PTPRD: variants seen among roughly 807,000 people sequenced by gnomAD.
PTPRD encodes protein tyrosine phosphatase receptor type D.
In PTPRD, 34 loss-of-function variants were observed where a neutral mutation model predicts 214.5. The observed-to-expected ratio is 0.16, with a 90% CI of 0.12 to 0.21. The LOEUF (loss-of-function observed/expected upper bound fraction) is 0.21. Ranked by LOEUF, PTPRD falls within the 10% of genes least tolerant of loss-of-function variation. The pLI, the probability that PTPRD is intolerant of heterozygous loss-of-function variation, is 1.00. For synonymous variants in PTPRD, 1,128 were observed against 845.7 expected, an observed-to-expected ratio of 1.33 and a Z score of -5.79; for missense variants, 2,545 against 2,398.7, an observed-to-expected ratio of 1.06 and a Z score of -1.27.
At chr9:9,366,639 A>T (rs910129366) in intron 9 of PTPRD, among the ~76,000 whole-genome samples, 5 of 151,534 alleles carry the variant, frequency 3.3e-5, no homozygotes, top group African/African-American at 1.2e-4. Context: ...AAATAGAAAC[A>T]TATCATCCAT....
chr9:8,608,456 G>A (rs962658956), intron 14 of PTPRD, among the ~76,000 whole-genome samples: 3 of 152,006 alleles, frequency 2.0e-5, no homozygotes, highest in South Asian at 2.1e-4. Flanking sequence ...ATATTTTAGC[G>A]CTCCCTGTTC....
At chr9:8,983,026 T>A (rs1486844854) in intron 11 of PTPRD, among the ~76,000 whole-genome samples, 4 of 152,102 alleles carry the variant, frequency 2.6e-5, no homozygotes, top group Non-Finnish European at 5.9e-5. Flanking sequence ...CATGTTCTAT[T>A]ACTCTTTAAT....
Position 9,875,992 on chromosome 9 carries a change from G to T in PTPRD, c.-368+62515C>A, listed in dbSNP as rs1053722803. ...CATCTGGAGATCCTGACTTTGTTTT[G>T]CCTGGTGAGTTTGCAGGTGCTTAAT... On this transcript the variant is annotated intron_variant, in intron 5 of 45. Coordinates refer to ENST00000381196, the MANE Select transcript of PTPRD (RefSeq NM_002839.4). Among the ~76,000 whole-genome samples, 8 of 152,146 alleles carry T rather than the reference G, an allele frequency of 5.3e-5. No individual in the cohort carries two copies. The South Asian group carries it at 1.7e-3, about 32-fold the overall frequency.
At chr9:9,586,367 T>C (rs1179706336) in intron 7 of PTPRD, among the ~76,000 whole-genome samples, 3 of 152,016 alleles carry the variant, frequency 2.0e-5, no homozygotes, top group East Asian at 3.9e-4. Context: ...AAATCTAGTA[T>C]AATTGGCATA....
chr9:9,856,807 T>C (rs1432265209), intron 5 of PTPRD, among the ~76,000 whole-genome samples: 1 of 152,044 alleles, frequency 6.6e-6, no homozygotes, highest in Non-Finnish European at 1.5e-5. Context: ...TGGAAAATGG[T>C]GTTGCTTGAT....
intron 7 of PTPRD, among the ~76,000 whole-genome samples, chr9:9,704,535 A>C (rs747317637): frequency 6.6e-6 from 1 of 152,164 alleles, no homozygotes; most frequent in Non-Finnish European, 1.5e-5. Context: ...AATTCCCCTT[A>C]CCTTGTATTT....
chr9:8,386,846 G>A lies in PTPRD; in HGVS notation c.4386+2386C>T, dbSNP rs140238884. 3.6e-3 allele frequency among the ~76,000 whole-genome samples: 546 copies of A among 152,294 alleles called. 5 individuals carry two copies. The highest frequency in any genetic ancestry group is 0.027 in the South Asian group (128 of 4,824). On this transcript the variant is annotated intron_variant, in intron 37 of 45. Transcript: ENST00000381196. The stretch of plus-strand genomic sequence containing the variant: ...AACTGGATAGGGAAAGGGTGAGATG[G>A]GAATGATGGGAGGGAGGAAGACGGA...
At chr9:9,072,970 T>C (rs1347759688) in intron 10 of PTPRD, among the ~76,000 whole-genome samples, 1 of 151,754 alleles carries the variant, frequency 6.6e-6, no homozygotes, top group East Asian at 1.9e-4. Context: ...GACAGCATAT[T>C]TGAGAGAGAT....
At chr9:8,940,360 G>A (rs930468826) in intron 11 of PTPRD, among the ~76,000 whole-genome samples, 4 of 132,896 alleles carry the variant, frequency 3.0e-5, no homozygotes, top group South Asian at 5.2e-4. Context: ...TTGGCCCACT[G>A]CAACCTCTGC....
At chr9:10,152,075 T>C (rs1011532854) in intron 3 of PTPRD, among the ~76,000 whole-genome samples, 48 of 152,212 alleles carry the variant, frequency 3.2e-4, no homozygotes, top group African/African-American at 1.1e-3. Flanking sequence ...TTACTGGATA[T>C]TGTAGTAAGA....
intron 12 of PTPRD, among the ~76,000 whole-genome samples, chr9:8,718,892 A>G (rs1221413901): frequency 6.6e-6 from 1 of 152,152 alleles, no homozygotes; most frequent in Non-Finnish European, 1.5e-5. Context: ...CTGCTGGATC[A>G]ATGGTGTTTT....
At chr9:10,284,707 AT>A (rs1410633491) in intron 3 of PTPRD, among the ~76,000 whole-genome samples, 1 of 152,124 alleles carries the variant, frequency 6.6e-6, no homozygotes, top group Non-Finnish European at 1.5e-5. Context: ...TTCCAAGCTC[AT>A]TTGGTTGTCA....
chr9:10,128,227 A>G (rs965349365), intron 3 of PTPRD, among the ~76,000 whole-genome samples: 2 of 152,154 alleles, frequency 1.3e-5, no homozygotes, highest in African/African-American at 2.4e-5. Context: ...CCAAATTAAT[A>G]TGTTGAAGCC....
At position 8,733,839 on chromosome 9, in the gene PTPRD, A is replaced by G. The variant is rs1598295447; in HGVS notation, c.5T>C (p.Val2Ala). The G allele has an allele frequency of 6.4e-7, 1 of 1,551,310 alleles. No individual in the cohort carries two copies. Among genetic ancestry groups the G allele is most frequent in the Non-Finnish European group, 8.7e-7 (1 of 1,147,170 alleles). Reference sequence around the variant, plus strand: ...CAGCAGCAGCAGCCTGGCTACGTGCACCATCCTGCAGCTTGGCAGCAGCGT... The same window carrying G: ...CAGCAGCAGCAGCCTGGCTACGTGCGCCATCCTGCAGCTTGGCAGCAGCGT... M[V>A]HVARLLLLLL... The change falls in exon 12 of 46, where the codon GTG becomes GCG. Residue 2 changes from valine (V) to alanine (A), a missense_variant. Val to Ala is a moderately conservative substitution (Grantham distance 64, BLOSUM62 0). Coordinates refer to ENST00000381196, the MANE Select transcript of PTPRD (RefSeq NM_002839.4).
intron 5 of PTPRD, among the ~76,000 whole-genome samples, chr9:9,812,371 T>C (rs2047409315): frequency 1.3e-5 from 2 of 151,586 alleles, no homozygotes; most frequent in South Asian, 4.2e-4. Context: ...AATCAAGAAA[T>C]ACAAAGTGAC....
At chr9:10,004,338 G>C (rs966464960) in intron 4 of PTPRD, among the ~76,000 whole-genome samples, 4 of 151,872 alleles carry the variant, frequency 2.6e-5, no homozygotes, top group Admixed American at 6.6e-5. Context: ...AAACAAAGGA[G>C]AAAGTCATTT....
At chr9:9,027,331 A>T (rs1348642) in intron 10 of PTPRD, among the ~76,000 whole-genome samples, 16,530 of 151,852 alleles carry the variant, frequency 0.11, 1,161 homozygotes, top group African/African-American at 0.19. Context: ...TTCAGCTTTT[A>T]TCCATTTGAC....
chr9:9,715,497 A>G (rs1267783353), intron 7 of PTPRD, among the ~76,000 whole-genome samples: 1 of 152,190 alleles, frequency 6.6e-6, no homozygotes, highest in Non-Finnish European at 1.5e-5. Flanking sequence ...TATATTTTCT[A>G]CAACAAAAAA....
chr9:9,719,559 A>G (rs1374320083), intron 7 of PTPRD, among the ~76,000 whole-genome samples: 1 of 149,012 alleles, frequency 6.7e-6, no homozygotes, highest in Non-Finnish European at 1.5e-5. Flanking sequence ...GAGGCAAGCC[A>G]GCCCAGGATT....
Sources: allele counts gnomAD v4.1 joint callset (sites outside exome capture counted in the v4.1 genomes callset), GRCh38; gene constraint gnomAD v4.1.1; transcripts MANE v1.5; gene names NCBI Gene and HGNC (gene_info 2026-07-23, HGNC 2026-07-21).